CBR4: variants seen among roughly 807,000 people sequenced by gnomAD.
CBR4 encodes 3-oxoacyl-[acyl-carrier-protein] reductase.
In CBR4, 22 loss-of-function variants were observed where a neutral mutation model predicts 21.0. The ratio of observed to expected loss-of-function variants is 1.05; its 90% CI spans 0.75 to 1.50. The LOEUF (loss-of-function observed/expected upper bound fraction) is 1.50, where lower values mean the gene tolerates loss of function less well. Among genes scored for constraint, CBR4 ranks in the 40% most tolerant of loss-of-function variants. The pLI is 0.00. For synonymous variants in CBR4, 100 were observed against 104.4 expected, an observed-to-expected ratio of 0.96 and a Z score of 0.26; for missense variants, 302 against 286.3, an observed-to-expected ratio of 1.05 and a Z score of -0.40.
intron 2 of CBR4, among the ~76,000 whole-genome samples, chr4:168,905,680 C>A (rs1376100264): frequency 1.3e-5 from 2 of 151,648 alleles, no homozygotes; most frequent in Admixed American, 1.3e-4. Flanking sequence ...TCAATGAATA[C>A]ATGACCATCA....
chr4:168,937,895 A>G (rs994637980), intron 2 of CBR4, among the ~76,000 whole-genome samples: 3 of 152,238 alleles, frequency 2.0e-5, no homozygotes, highest in African/African-American at 7.2e-5. Context: ...TCAATACCAG[A>G]CAGATCAACA....
intron 4 of CBR4, among the ~76,000 whole-genome samples, chr4:168,996,541 T>C (rs1252804271): frequency 1.3e-5 from 2 of 152,132 alleles, no homozygotes; most frequent in African/African-American, 2.4e-5. Context: ...CTCTTTATTT[T>C]ATATATTTAT....
At chr4:168,921,676 T>G in intron 2 of CBR4, 2 of 1,611,592 alleles carry the variant, frequency 1.2e-6, no homozygotes, top group Non-Finnish European at 1.7e-6. Flanking sequence ...GATGCCGGCA[T>G]CTACACATGT....
intron 2 of CBR4, chr4:168,913,872 C>T (rs1024379989): frequency 8.8e-7 from 1 of 1,137,342 alleles, no homozygotes; most frequent in African/African-American, 1.5e-5. Flanking sequence ...CATGATAGTG[C>T]TTAGTGGTTA....
At chr4:168,913,322 AGAG>A (rs1315456414) in intron 2 of CBR4, among the ~76,000 whole-genome samples, 2 of 151,938 alleles carry the variant, frequency 1.3e-5, no homozygotes, top group Non-Finnish European at 2.9e-5. Context: ...TTTTTTTAGT[AGAG>A]ACGGGGTTTC....
Position 168,913,963 on chromosome 4 carries a change from G to A in CBR4, n.170-19198C>T. The A allele has an allele frequency of 1.9e-6, 3 of 1,613,400 alleles. No individual in the cohort carries two copies. The highest frequency in any genetic ancestry group is 2.5e-6 in the Non-Finnish European group (3 of 1,179,342). On this transcript the variant is annotated intron_variant and non_coding_transcript_variant, in intron 2 of 3. Transcript: ENST00000509108. The stretch of plus-strand genomic sequence containing the variant: ...TTGTACTGGACGGCTAATGGTACAG[G>A]CTGTCAACCAAAGAGGTCGAAGTCC...
chr4:168,943,559 T>C (rs1763319927), intron 2 of CBR4, among the ~76,000 whole-genome samples: 1 of 151,820 alleles, frequency 6.6e-6, no homozygotes, highest in African/African-American at 2.4e-5. Flanking sequence ...ATGCCGGGAG[T>C]GAACAACTTC....
At chr4:168,899,683 G>C (rs751386108) in intron 2 of CBR4, among the ~76,000 whole-genome samples, 1 of 152,124 alleles carries the variant, frequency 6.6e-6, no homozygotes, top group Non-Finnish European at 1.5e-5. Context: ...TTGCGAGGCC[G>C]AGATGGGTGG....
intron 2 of CBR4, among the ~76,000 whole-genome samples, chr4:168,967,013 T>TAAA (rs59484681): frequency 3.5e-5 from 5 of 143,806 alleles, no homozygotes; most frequent in East Asian, 4.1e-4. Flanking sequence ...AAACTCCATC[T>TAAA]AAAAAAAAAA....
intron 2 of CBR4, among the ~76,000 whole-genome samples, chr4:168,911,176 C>G (rs1436440373): frequency 1.3e-5 from 2 of 152,252 alleles, no homozygotes; most frequent in East Asian, 3.9e-4. Context: ...AAGGCTTGAA[C>G]AAATTCAGTG....
rs1764747331 is a variant in CBR4, at chr4:168,987,925, A to T, written c.*2225T>A. 1.0e-6 allele frequency: 1 copy of T among 984,718 alleles called. No homozygotes were observed. Among genetic ancestry groups the T allele is most frequent in the African/African-American group, 1.7e-5 (1 of 57,362 alleles). The allele number at this position is 984,718 out of a possible 1,614,324, so 61.0% of individuals were successfully genotyped here. A position where few individuals can be genotyped will look rare whatever the true frequency, so the allele number is the denominator to read the frequency against. On this transcript the variant is annotated 3_prime_UTR_variant, in exon 5 of 5. Transcript: ENST00000306193. ...TTTTAAAGCCCTCCATGCAAAAAAA[A>T]ATTAATACATTGGCTTTACCTATAA...
chr4:168,999,862 G>A (rs28577930), intron 4 of CBR4, among the ~76,000 whole-genome samples: 1,990 of 151,994 alleles, frequency 0.013, 63 homozygotes, highest in African/African-American at 0.045. Flanking sequence ...TTTTATATTC[G>A]TCATATGACA....
chr4:168,906,090 G>A (rs1016255424), intron 2 of CBR4, among the ~76,000 whole-genome samples: 2 of 152,126 alleles, frequency 1.3e-5, no homozygotes, highest in African/African-American at 4.8e-5. Context: ...AAATGGTGGA[G>A]AACTGACAAA....
Position 168,972,510 on chromosome 4 carries a change from A to G in CBR4, n.169+29561T>C, listed in dbSNP as rs1394307532. Among the ~76,000 whole-genome samples the G allele has an allele frequency of 2.6e-5, 4 of 152,156 alleles. No homozygotes were observed. In the East Asian group the frequency reaches 7.7e-4, roughly 29 times the overall value. On this transcript the variant is annotated intron_variant and non_coding_transcript_variant, in intron 2 of 3. Transcript: ENST00000509108. The stretch of plus-strand genomic sequence containing the variant: ...AGATCTTATACTTCCTTGGTTAGGT[A>G]TATTCCTAAATATTTTATTTTCTTT...
intron 2 of CBR4, among the ~76,000 whole-genome samples, chr4:168,953,821 A>G (rs1232930052): frequency 6.6e-6 from 1 of 152,162 alleles, no homozygotes; most frequent in Non-Finnish European, 1.5e-5. Context: ...GATCTAAATA[A>G]TACAGAAGCT....
chr4:168,976,337 T>C (rs1215297309), intron 2 of CBR4, among the ~76,000 whole-genome samples: 1 of 152,192 alleles, frequency 6.6e-6, no homozygotes, highest in Non-Finnish European at 1.5e-5. Context: ...ACTTTTATAT[T>C]TCACTTGGCT....
chr4:168,990,020 G>T lies in CBR4; in HGVS notation c.*130C>A. 1.6e-6 allele frequency: 2 copies of T among 1,274,410 alleles called. No individual in the cohort carries two copies. The highest frequency in any genetic ancestry group is 1.0e-6 in the Non-Finnish European group (1 of 1,002,820). The allele number at this position is 1,274,410 out of a possible 1,614,324, so 78.9% of individuals were successfully genotyped here. A position where few individuals can be genotyped will look rare whatever the true frequency, so the allele number is the denominator to read the frequency against. On this transcript the variant is annotated 3_prime_UTR_variant, in exon 5 of 5. Transcript: ENST00000306193. ...TTCTTTTGAGACATATTTTTATAAA[G>T]ACAGAAATTAACATTTGTAGCATCA... is the stretch of plus-strand genomic sequence containing the variant.
At chr4:168,897,722 G>A (rs962177755) in intron 2 of CBR4, among the ~76,000 whole-genome samples, 2 of 152,072 alleles carry the variant, frequency 1.3e-5, no homozygotes, top group African/African-American at 4.8e-5. Flanking sequence ...AAAGTGTTGG[G>A]AATTACAGGC....
At chr4:168,922,139 A>C (rs1294319398) in intron 2 of CBR4, among the ~76,000 whole-genome samples, 2 of 127,454 alleles carry the variant, frequency 1.6e-5, no homozygotes. Context: ...ACACACACAC[A>C]CACACCTGGT....
Sources: gnomAD v4.1 joint callset for allele counts (sites outside exome capture counted in the v4.1 genomes callset) on GRCh38, gnomAD v4.1.1 for gene constraint, MANE v1.5 for transcripts, NCBI Gene and HGNC (gene_info 2026-07-23, HGNC 2026-07-21) for gene names.